Variants in CADM1 observed in about 807,000 individuals in gnomAD.
CADM1 encodes the protein cell adhesion molecule 1, also known as TSLC-1.
CADM1 carries 15 observed loss-of-function variants against 53.1 expected under a neutral mutation model. The ratio of observed to expected loss-of-function variants is 0.28; its 90% CI spans 0.19 to 0.44. The LOEUF (loss-of-function observed/expected upper bound fraction) is 0.44, where lower values mean the gene tolerates loss of function less well. Among genes scored for constraint, CADM1 ranks in the 20% least tolerant of loss-of-function variants. The probability of loss-of-function intolerance (pLI) is 1.00; values close to 1 mark genes in which losing one functional copy is unlikely to be tolerated. For synonymous variants in CADM1, 281 were observed against 243.0 expected, an observed-to-expected ratio of 1.16 and a Z score of -1.45; for missense variants, 434 against 611.3, an observed-to-expected ratio of 0.71 and a Z score of 3.06.
intron 10 of CADM1, among the ~76,000 whole-genome samples, chr11:115,185,906 T>A (rs1003934559): frequency 6.6e-6 from 1 of 152,154 alleles, no homozygotes; most frequent in Non-Finnish European, 1.5e-5. Flanking sequence ...GGAGGATGGA[T>A]TAATGAATAT....
In CADM1 at chr11:115,176,448, C is replaced by T; in HGVS notation, c.*26G>A. 10 of 1,612,978 alleles carry T rather than the reference C, an allele frequency of 6.2e-6. No homozygotes were observed. The highest frequency in any genetic ancestry group is 8.5e-6 in the Non-Finnish European group (10 of 1,179,250). ...TATCATCTAAATAGGGCCAGTTGGA[C>T]ACCTCATTGAAACAAAAAGGCTGAT... is the stretch of plus-strand genomic sequence containing the variant. On this transcript the variant is annotated 3_prime_UTR_variant, in exon 12 of 12. Transcript: ENST00000331581.
At chr11:115,356,183 A>C (rs1447181897) in intron 1 of CADM1, among the ~76,000 whole-genome samples, 5 of 150,808 alleles carry the variant, frequency 3.3e-5, no homozygotes, top group Non-Finnish European at 5.9e-5. Flanking sequence ...AGCCCATTTT[A>C]TGAAATTAAT....
chr11:115,456,799 ACAC>A (rs1948692497), intron 1 of CADM1, among the ~76,000 whole-genome samples: 1 of 152,180 alleles, frequency 6.6e-6, no homozygotes, highest in Admixed American at 6.5e-5. Flanking sequence ...AACCTCAAAA[ACAC>A]CATATCAATG....
chr11:115,306,463 G>A (rs550640858), intron 1 of CADM1, among the ~76,000 whole-genome samples: 2 of 152,078 alleles, frequency 1.3e-5, no homozygotes, highest in Admixed American at 6.6e-5. Flanking sequence ...CACCTACTAA[G>A]ATTAATGGTC....
rs1040117174 is a variant in CADM1, at chr11:115,345,415, T to C, written c.125-104995A>G. On this transcript the variant is annotated intron_variant, in intron 1 of 11. Coordinates refer to ENST00000331581, the MANE Select transcript of CADM1 (RefSeq NM_001301043.2). Reference sequence around the variant, plus strand: ...GGGACAGGACAAGGTTAAGAGAATCTGACAGAAAGAATTGGATGGGGTTGA... The same window carrying C: ...GGGACAGGACAAGGTTAAGAGAATCCGACAGAAAGAATTGGATGGGGTTGA... Among the ~76,000 whole-genome samples the C allele has an allele frequency of 3.9e-5, 6 of 152,208 alleles. No homozygotes were observed. The South Asian group carries it at 1.2e-3, about 32-fold the overall frequency.
intron 3 of CADM1, among the ~76,000 whole-genome samples, chr11:115,237,576 A>C (rs771858512): frequency 2.8e-4 from 42 of 152,318 alleles, no homozygotes; most frequent in Non-Finnish European, 4.3e-4. Flanking sequence ...TCTTCCTATC[A>C]TTACACTGAA....
intron 1 of CADM1, among the ~76,000 whole-genome samples, chr11:115,287,677 C>T (rs896728776): frequency 1.3e-5 from 2 of 152,128 alleles, no homozygotes; most frequent in African/African-American, 4.8e-5. Flanking sequence ...TTACGAATTG[C>T]CACAAAACAC....
At chr11:115,428,675 G>A (rs1211238266) in intron 1 of CADM1, among the ~76,000 whole-genome samples, 1 of 151,912 alleles carries the variant, frequency 6.6e-6, no homozygotes, top group African/African-American at 2.4e-5. Flanking sequence ...TTCTTGCCTT[G>A]TTATAATTCT....
At chr11:115,284,085 A>ACTCTCTCTCTCTCTCT (rs1449186377) in intron 1 of CADM1, among the ~76,000 whole-genome samples, 23 of 23,290 alleles carry the variant, frequency 9.9e-4, no homozygotes, top group African/African-American at 3.4e-3. Flanking sequence ...ACAAGCCCAG[A>ACTCTCTCTCTCTCTCT]CACTCTCTCT....
chr11:115,314,381 G>C (rs1258275232), intron 1 of CADM1, among the ~76,000 whole-genome samples: 3 of 152,080 alleles, frequency 2.0e-5, no homozygotes, highest in Admixed American at 6.6e-5. Flanking sequence ...TTTCTTCTAT[G>C]AATATAAAAA....
intron 7 of CADM1, among the ~76,000 whole-genome samples, chr11:115,210,502 G>C (rs1282477784): frequency 6.6e-6 from 1 of 152,088 alleles, no homozygotes; most frequent in Non-Finnish European, 1.5e-5. Flanking sequence ...TTGGAGACAA[G>C]GGAGGGGCAA....
chr11:115,388,673 T>G (rs12273523), intron 1 of CADM1, among the ~76,000 whole-genome samples: 11 of 152,262 alleles, frequency 7.2e-5, no homozygotes, highest in African/African-American at 2.6e-4. Context: ...CTTAATCTCA[T>G]CATGACAAAA....
chr11:115,349,850 A>T (rs955187627), intron 1 of CADM1, among the ~76,000 whole-genome samples: 1 of 152,180 alleles, frequency 6.6e-6, no homozygotes, highest in African/African-American at 2.4e-5. Context: ...CAGAGTATAC[A>T]TGTCTATGGA....
At chr11:115,326,189 G>T (rs1944954497) in intron 1 of CADM1, among the ~76,000 whole-genome samples, 2 of 152,122 alleles carry the variant, frequency 1.3e-5, no homozygotes, top group Non-Finnish European at 2.9e-5. Context: ...TATAAAAGCA[G>T]CTAGATTATA....
At chr11:115,474,283 TC>T (rs1249770124) in intron 1 of CADM1, among the ~76,000 whole-genome samples, 2 of 91,480 alleles carry the variant, frequency 2.2e-5, no homozygotes, top group Non-Finnish European at 3.8e-5. Context: ...AGAGCAAGAC[TC>T]CATCTCAAAA....
intron 1 of CADM1, among the ~76,000 whole-genome samples, chr11:115,305,131 TA>T (rs59504540): frequency 0.63 from 95,490 of 151,650 alleles, 31,830 homozygotes; most frequent in East Asian, 0.85. Context: ...TTCTGAGAGA[TA>T]ACACCGAAAT....
intron 7 of CADM1, among the ~76,000 whole-genome samples, chr11:115,210,814 C>T (rs868046251): frequency 6.6e-6 from 1 of 152,148 alleles, no homozygotes; most frequent in African/African-American, 2.4e-5. Context: ...TATTTTGGTG[C>T]TTGGTTGCAA....
chr11:115,191,819 G>A (rs1324226207), intron 9 of CADM1, among the ~76,000 whole-genome samples: 1 of 152,176 alleles, frequency 6.6e-6, no homozygotes, highest in African/African-American at 2.4e-5. Flanking sequence ...TTGCTGTTCT[G>A]CTCAAAGTCC....
chr11:115,400,794 G>A (rs962602543), intron 1 of CADM1, among the ~76,000 whole-genome samples: 1 of 148,994 alleles, frequency 6.7e-6, no homozygotes, highest in Admixed American at 6.8e-5. Context: ...CAACAATGAT[G>A]TATCACTGTA....
Sources: allele counts gnomAD v4.1 joint callset (sites outside exome capture counted in the v4.1 genomes callset), GRCh38; gene constraint gnomAD v4.1.1; transcripts MANE v1.5; gene names NCBI Gene and HGNC (gene_info 2026-07-23, HGNC 2026-07-21).